Variants in NAALADL2 observed in about 807,000 individuals in gnomAD.
The protein encoded by NAALADL2 is inactive N-acetylated-alpha-linked acidic dipeptidase-like protein 2.
Under a neutral mutation model 87.2 loss-of-function variants are expected in NAALADL2, and 76 were observed. The observed-to-expected ratio is 0.87, with a 90% CI of 0.72 to 1.05. The LOEUF (loss-of-function observed/expected upper bound fraction) is 1.05. NAALADL2 is among the 50% of genes least tolerant of loss of function. NAALADL2 has a pLI of 0.00. For synonymous variants in NAALADL2, 354 were observed against 331.0 expected, an observed-to-expected ratio of 1.07 and a Z score of -0.75; for missense variants, 1,089 against 945.8, an observed-to-expected ratio of 1.15 and a Z score of -1.99.
At chr3:175,198,303 TGAA>T (rs1739314563) in intron 2 of NAALADL2, among the ~76,000 whole-genome samples, 1 of 152,008 alleles carries the variant, frequency 6.6e-6, no homozygotes, top group Non-Finnish European at 1.5e-5. Flanking sequence ...ATGGAAAAAG[TGAA>T]GGAGATTATT....
At position 175,185,191 on chromosome 3, in the gene NAALADL2, A is replaced by T. The variant is rs796203669; in HGVS notation, c.546-48740A>T. On this transcript the variant is annotated intron_variant, in intron 2 of 13. Coordinates refer to ENST00000454872, the MANE Select transcript of NAALADL2 (RefSeq NM_207015.3). ...TATTAAATGGTGTACTTGTGATACC[A>T]CATACAATTATTTCCATTCTGATAA... 4.6e-5 allele frequency among the ~76,000 whole-genome samples: 7 copies of T among 152,128 alleles called. No individual in the cohort carries two copies. The South Asian group carries it at 1.2e-3, about 27-fold the overall frequency.
In NAALADL2 at chr3:174,500,118, A is replaced by T. The variant is rs6806964; in HGVS notation, c.-183-50451A>T. Among the ~76,000 whole-genome samples the T allele has an allele frequency of 5.5e-3, 842 of 151,934 alleles. 11 individuals are homozygous for T. Among genetic ancestry groups the T allele is most frequent in the African/African-American group, 0.018 (734 of 41,452 alleles). ...TTTCTCTTGGCAATGTTTTATTTTC[A>T]GTTTATAGGTCTTCTACACCTTTTG... On this transcript the variant is annotated intron_variant, in intron 1 of 3. Coordinates refer to the NAALADL2 transcript ENST00000434257.
At chr3:175,248,384 G>A (rs889593027) in intron 3 of NAALADL2, among the ~76,000 whole-genome samples, 1 of 152,088 alleles carries the variant, frequency 6.6e-6, no homozygotes, top group African/African-American at 2.4e-5. Flanking sequence ...AAAAATATTT[G>A]TTTTTGGTGG....
intron 6 of NAALADL2, among the ~76,000 whole-genome samples, chr3:175,455,854 G>A (rs1238844465): frequency 6.6e-6 from 1 of 151,980 alleles, no homozygotes; most frequent in African/African-American, 2.4e-5. Context: ...GAAAATGAAA[G>A]AACAATCTGG....
At chr3:175,313,237 T>C (rs1758611397) in intron 4 of NAALADL2, among the ~76,000 whole-genome samples, 1 of 152,158 alleles carries the variant, frequency 6.6e-6, no homozygotes, top group Non-Finnish European at 1.5e-5. Context: ...TTTCCAAATA[T>C]AGTCACATTC....
At chr3:175,372,773 T>C (rs1442650138) in intron 5 of NAALADL2, among the ~76,000 whole-genome samples, 2 of 152,230 alleles carry the variant, frequency 1.3e-5, no homozygotes, top group African/African-American at 4.8e-5. Context: ...CAGCAGTTTC[T>C]GCCACACTAA....
At chr3:174,753,482 A>C (rs1184845499) in intron 3 of NAALADL2, among the ~76,000 whole-genome samples, 1 of 152,178 alleles carries the variant, frequency 6.6e-6, no homozygotes, top group Non-Finnish European at 1.5e-5. Context: ...CTTCGTTTCC[A>C]AGTTTTACAT....
chr3:175,125,423 G>A lies in NAALADL2; in HGVS notation c.545+28132G>A, dbSNP rs147046829. ...AAATAGCGCTAAGTGGGAGAGAACA[G>A]GGAGCCCTATTGCACTAATCCAGAT... is the stretch of plus-strand genomic sequence containing the variant. On this transcript the variant is annotated intron_variant, in intron 2 of 13. Coordinates refer to ENST00000454872, the MANE Select transcript of NAALADL2 (RefSeq NM_207015.3). 2.6e-5 allele frequency among the ~76,000 whole-genome samples: 4 copies of A among 152,094 alleles called. No individual in the cohort carries two copies. The East Asian group carries it at 7.7e-4, about 29-fold the overall frequency.
At chr3:175,290,685 T>G (rs1317646981) in intron 4 of NAALADL2, among the ~76,000 whole-genome samples, 1 of 152,190 alleles carries the variant, frequency 6.6e-6, no homozygotes, top group African/African-American at 2.4e-5. Flanking sequence ...CCTTGAGCAA[T>G]AGGATATAAC....
At chr3:174,663,278 G>C (rs1725673740) in intron 2 of NAALADL2, among the ~76,000 whole-genome samples, 1 of 152,094 alleles carries the variant, frequency 6.6e-6, no homozygotes, top group South Asian at 2.1e-4. Context: ...AATATTTGTA[G>C]ATATGAGTGT....
At chr3:175,107,412 T>C (rs58963823) in intron 2 of NAALADL2, among the ~76,000 whole-genome samples, 94,618 of 151,698 alleles carry the variant, frequency 0.62, 30,441 homozygotes, top group African/African-American at 0.8. Flanking sequence ...GCTAGCCACC[T>C]TGCAGATTTT....
At chr3:174,956,440 G>A (rs997022511) in intron 1 of NAALADL2, among the ~76,000 whole-genome samples, 11 of 152,124 alleles carry the variant, frequency 7.2e-5, no homozygotes, top group African/African-American at 2.6e-4. Context: ...TTCTTTCATC[G>A]TTGGACATGG....
intron 9 of NAALADL2, among the ~76,000 whole-genome samples, chr3:175,491,752 T>C (rs1339007886): frequency 6.6e-6 from 1 of 152,178 alleles, no homozygotes; most frequent in Non-Finnish European, 1.5e-5. Context: ...CCTGAGAGGC[T>C]ATAGAGAGCT....
intron 6 of NAALADL2, among the ~76,000 whole-genome samples, chr3:175,453,662 T>C (rs1721903409): frequency 6.6e-6 from 1 of 152,120 alleles, no homozygotes; most frequent in South Asian, 2.1e-4. Flanking sequence ...TTCCTCTTCA[T>C]AATTGAATTA....
intron 1 of NAALADL2, among the ~76,000 whole-genome samples, chr3:174,865,197 AT>A (rs1316708315): frequency 4.6e-5 from 7 of 152,044 alleles, no homozygotes; most frequent in Non-Finnish European, 1.0e-4. Flanking sequence ...CCAAAAAAAA[AT>A]AATAAAGTTA....
At chr3:174,775,080 G>A (rs922918723) in intron 3 of NAALADL2, among the ~76,000 whole-genome samples, 2 of 151,860 alleles carry the variant, frequency 1.3e-5, no homozygotes, top group African/African-American at 4.8e-5. Flanking sequence ...AAATAGGAAA[G>A]TATACATAAA....
In NAALADL2 at chr3:175,810,445, A is replaced by G. The variant is rs1755078470; in HGVS notation, c.*7242A>G. ...AAACATAGTACTAGGAAATGAAGGC[A>G]CCATTTAACAAACGTGTTCTGAATC... On this transcript the variant is annotated 3_prime_UTR_variant, in exon 14 of 14. Coordinates refer to ENST00000454872, the MANE Select transcript of NAALADL2 (RefSeq NM_207015.3). The G allele has an allele frequency of 6.6e-6, 1 of 152,054 alleles. No homozygotes were observed. The allele number at this position is 152,054 out of a possible 1,614,324, so 9.4% of individuals were successfully genotyped here. A position where few individuals can be genotyped will look rare whatever the true frequency, so the allele number is the denominator to read the frequency against.
chr3:175,649,269 C>G (rs2149783590), intron 11 of NAALADL2, among the ~76,000 whole-genome samples: 1 of 152,138 alleles, frequency 6.6e-6, no homozygotes, highest in East Asian at 1.9e-4. Context: ...ATAAAGAAAA[C>G]ATAAAATAGT....
chr3:174,442,570 G>A (rs1714743648), intron 1 of NAALADL2, among the ~76,000 whole-genome samples: 1 of 152,078 alleles, frequency 6.6e-6, no homozygotes, highest in Non-Finnish European at 1.5e-5. Flanking sequence ...CTTACATAAA[G>A]CATTATTATA....
Sources: allele counts gnomAD v4.1 joint callset (sites outside exome capture counted in the v4.1 genomes callset), GRCh38; gene constraint gnomAD v4.1.1; transcripts MANE v1.5; gene names NCBI Gene and HGNC (gene_info 2026-07-23, HGNC 2026-07-21).